The following NEK1 variants were observed in gnomAD, a reference collection of about 807,000 sequenced individuals.
The protein encoded by NEK1 is NIMA related kinase 1, also known as serine/threonine-protein kinase Nek1.
In NEK1, 137 loss-of-function variants were observed where a neutral mutation model predicts 182.1. The observed-to-expected ratio is 0.75, with a 90% CI of 0.65 to 0.87. The LOEUF (loss-of-function observed/expected upper bound fraction) is 0.87. Among genes scored for constraint, NEK1 ranks in the 40% least tolerant of loss-of-function variants. NEK1 has a pLI of 0.00. For missense variants in NEK1, 1,391 were observed against 1,494.4 expected (o/e 0.93, Z 1.14); for synonymous variants, 513 against 492.2 (o/e 1.04, Z -0.56).
intron 29 of NEK1, among the ~76,000 whole-genome samples, chr4:169,428,354 A>ATG (rs1736785557): frequency 7.1e-6 from 1 of 141,238 alleles, no homozygotes; most frequent in Admixed American, 7.2e-5. Context: ...TATATGGGAT[A>ATG]TATATATATA....
At chr4:169,439,154 C>T (rs1738960591) in intron 27 of NEK1, among the ~76,000 whole-genome samples, 2 of 152,130 alleles carry the variant, frequency 1.3e-5, no homozygotes, top group South Asian at 4.1e-4. Flanking sequence ...GTGGCAAAAC[C>T]CCAATTTTGC....
chr4:169,580,494 CAAAAAAAAAAAAA>C (rs11348370), intron 11 of NEK1, among the ~76,000 whole-genome samples: 2 of 65,844 alleles, frequency 3.0e-5, no homozygotes, highest in South Asian at 5.9e-4. Flanking sequence ...AACTTCATCT[CAAAAAAAAAAAAA>C]AAAAAAAAAG....
intron 16 of NEK1, among the ~76,000 whole-genome samples, chr4:169,559,179 T>A (rs755388317): frequency 6.6e-6 from 1 of 152,330 alleles, no homozygotes; most frequent in South Asian, 2.1e-4. Context: ...AACTGATTAA[T>A]ACTGTATTAG....
intron 12 of NEK1, among the ~76,000 whole-genome samples, chr4:169,563,356 CA>C (rs1013367509): frequency 2.8e-4 from 40 of 141,512 alleles, no homozygotes; most frequent in Middle Eastern, 3.6e-3. Flanking sequence ...GATCCTGTCT[CA>C]AAAAAAAAAA....
chr4:169,481,120 T>A lies in NEK1; in HGVS notation c.2008-1586A>T, dbSNP rs114018179. Among the ~76,000 whole-genome samples, 1,475 of 152,318 alleles carry A rather than the reference T, an allele frequency of 9.7e-3. 17 individuals are homozygous for A. Among genetic ancestry groups the A allele is most frequent in the African/African-American group, 0.034 (1,398 of 41,584 alleles). On this transcript the variant is annotated intron_variant, in intron 23 of 35. Coordinates refer to ENST00000507142, the MANE Select transcript of NEK1 (RefSeq NM_001199397.3). The stretch of plus-strand genomic sequence containing the variant: ...GCAATTCCTCATCCATTCAAGTTTA[T>A]CATGAGATTGTAGCAATTCAGTCAT...
intron 18 of NEK1, among the ~76,000 whole-genome samples, chr4:169,543,998 T>C (rs1216570594): frequency 6.6e-6 from 1 of 152,208 alleles, no homozygotes. Flanking sequence ...CTGATTGCCC[T>C]GGCCAGAACT....
intron 10 of NEK1, among the ~76,000 whole-genome samples, chr4:169,581,912 T>C (rs1766720426): frequency 6.6e-6 from 1 of 152,186 alleles, no homozygotes; most frequent in Non-Finnish European, 1.5e-5. Context: ...AATATGTAAA[T>C]ATTCTTAATT....
intron 26 of NEK1, among the ~76,000 whole-genome samples, chr4:169,473,322 G>A (rs886349829): frequency 6.6e-6 from 1 of 151,794 alleles, no homozygotes; most frequent in Non-Finnish European, 1.5e-5. Context: ...TGGACATGGA[G>A]GCAAATAATA....
chr4:169,497,248 A>T (rs1751502094), intron 23 of NEK1, among the ~76,000 whole-genome samples: 1 of 152,140 alleles, frequency 6.6e-6, no homozygotes, highest in African/African-American at 2.4e-5. Context: ...ATTGGTGGTG[A>T]TATCCCCTTT....
chr4:169,564,974 G>C (rs187118326), intron 12 of NEK1, among the ~76,000 whole-genome samples: 198 of 152,232 alleles, frequency 1.3e-3, no homozygotes, highest in African/African-American at 4.5e-3. Flanking sequence ...ACTAAAGAAT[G>C]CATTTACTCT....
chr4:169,441,373 C>T lies in NEK1; in HGVS notation c.2588-3114G>A, dbSNP rs569482433. Reference sequence around the variant, plus strand: ...GAATGCTACCTGGTAGCTGGGAGATCGATCTGCCCCATGCATCAGAGCTGG... The same window carrying T: ...GAATGCTACCTGGTAGCTGGGAGATTGATCTGCCCCATGCATCAGAGCTGG... On this transcript the variant is annotated intron_variant, in intron 27 of 35. Transcript: ENST00000507142. Among the ~76,000 whole-genome samples the T allele has an allele frequency of 5.9e-5, 9 of 152,298 alleles. No homozygotes were observed. The South Asian group carries it at 8.3e-4, about 14-fold the overall frequency.
intron 29 of NEK1, among the ~76,000 whole-genome samples, chr4:169,428,186 A>G (rs970834281): frequency 6.6e-6 from 1 of 151,680 alleles, no homozygotes; most frequent in Non-Finnish European, 1.5e-5. Context: ...AAACTGAACT[A>G]CCATATGATG....
At chr4:169,499,173 C>A (rs939540905) in intron 23 of NEK1, among the ~76,000 whole-genome samples, 1 of 152,170 alleles carries the variant, frequency 6.6e-6, no homozygotes, top group African/African-American at 2.4e-5. Context: ...CACTGATACC[C>A]CTTCTTCCAG....
At chr4:169,531,166 G>A (rs1023421880) in intron 19 of NEK1, among the ~76,000 whole-genome samples, 1 of 152,004 alleles carries the variant, frequency 6.6e-6, no homozygotes, top group African/African-American at 2.4e-5. Flanking sequence ...GTGGTATCGT[G>A]GAAGAAGGAA....
intron 26 of NEK1, among the ~76,000 whole-genome samples, chr4:169,464,307 G>A (rs967261543): frequency 6.6e-6 from 1 of 152,114 alleles, no homozygotes; most frequent in East Asian, 1.9e-4. Flanking sequence ...CTCCACCCAC[G>A]AAACTGGATT....
chr4:169,604,901 A>G (rs1159779667), intron 2 of NEK1, among the ~76,000 whole-genome samples: 3 of 152,174 alleles, frequency 2.0e-5, no homozygotes, highest in Non-Finnish European at 4.4e-5. Flanking sequence ...AAAGAAGAAA[A>G]GTTGTTCCAA....
At chr4:169,610,113 T>C (rs1772068966) in intron 2 of NEK1, among the ~76,000 whole-genome samples, 9 of 150,978 alleles carry the variant, frequency 6.0e-5, no homozygotes, top group Admixed American at 5.9e-4. Flanking sequence ...GTGATTCCCC[T>C]GCCTCAGCCT....
chr4:169,539,907 G>GT lies in NEK1; in HGVS notation c.1563-1997dup, dbSNP rs78837464. Among the ~76,000 whole-genome samples, 384 of 152,232 alleles carry GT rather than the reference G, an allele frequency of 2.5e-3. 9 individuals carry two copies. In the East Asian group the frequency reaches 0.065, roughly 26 times the overall value. The stretch of plus-strand genomic sequence containing the variant: ...AAGATGCTTTCTGTGTCCAGTGATT[G>GT]TTAGCCTGAACTTACAATTGGCATA... On this transcript the variant is annotated intron_variant, in intron 18 of 35. Transcript: ENST00000507142.
rs1561315498 is a variant in NEK1 at position 169,507,081 on chromosome 4, T to G, written c.1963A>C (p.Arg655=). The change falls in exon 23 of 36, where the codon AGA becomes CGA. Residue 655 remains arginine (R), a synonymous_variant. Transcript: ENST00000507142. ...TTTTCTCTCTCATAAGCCTCCTTTC[T>G]CTTTCGTTCTAGTTGTTCTTTTAGT... ...AVLKEQLERK[R]KEAYEREKKV... 6.2e-7 allele frequency: 1 copy of G among 1,610,780 alleles called. No individual in the cohort carries two copies. The highest frequency in any genetic ancestry group is 1.7e-4 in the Middle Eastern group (1 of 6,050).
Sources: allele counts gnomAD v4.1 joint callset (sites outside exome capture counted in the v4.1 genomes callset), GRCh38; gene constraint gnomAD v4.1.1; transcripts MANE v1.5; gene names NCBI Gene and HGNC (gene_info 2026-07-23, HGNC 2026-07-21).